FGGY: variants seen among roughly 807,000 people sequenced by gnomAD.
The protein encoded by FGGY is FGGY carbohydrate kinase domain-containing protein.
A neutral mutation model predicts 71.3 loss-of-function variants in FGGY; 72 were observed. The ratio of observed to expected loss-of-function variants is 1.01; its 90% CI spans 0.84 to 1.23. The LOEUF is 1.23. FGGY is among the 50% of genes most tolerant of loss of function. FGGY has a pLI of 0.00. For missense variants in FGGY, 668 were observed against 682.3 expected (o/e 0.98, Z 0.23); for synonymous variants, 251 against 250.3 (o/e 1.00, Z -0.02).
At chr1:59,735,814 T>C (rs1230203474) in intron 14 of FGGY, among the ~76,000 whole-genome samples, 1 of 152,218 alleles carries the variant, frequency 6.6e-6, no homozygotes, top group Non-Finnish European at 1.5e-5. Context: ...TCATCTCTTT[T>C]ATTTATGCAT....
Position 59,709,470 on chromosome 1 carries a change from A to T in FGGY, c.1512+35337A>T, listed in dbSNP as rs1050285782. Among the ~76,000 whole-genome samples, 204 of 150,688 alleles carry T rather than the reference A, an allele frequency of 1.4e-3. 1 individual carries two copies. Among genetic ancestry groups the T allele is most frequent in the African/African-American group, 4.6e-3 (187 of 40,966 alleles). On this transcript the variant is annotated intron_variant, in intron 14 of 15. Coordinates refer to ENST00000303721, the MANE Select transcript of FGGY (RefSeq NM_018291.5). ...GAGACACAGAATGAAACTATATCAC[A>T]CACACACACACACACACACACACAC...
chr1:59,586,571 T>C (rs2096291953), intron 8 of FGGY, among the ~76,000 whole-genome samples: 2 of 152,134 alleles, frequency 1.3e-5, no homozygotes, highest in Non-Finnish European at 1.5e-5. Context: ...GACGAGTTAA[T>C]GGATGCAGCA....
At chr1:59,578,795 G>A (rs1558415089) in intron 8 of FGGY, among the ~76,000 whole-genome samples, 2 of 152,004 alleles carry the variant, frequency 1.3e-5, no homozygotes, top group Non-Finnish European at 2.9e-5. Flanking sequence ...CACACACAAG[G>A]CTGGGGTTGT....
intron 14 of FGGY, among the ~76,000 whole-genome samples, chr1:59,712,633 G>A (rs2097803375): frequency 6.6e-6 from 1 of 152,184 alleles, no homozygotes; most frequent in African/African-American, 2.4e-5. Flanking sequence ...GGCAGGTTCA[G>A]CACTACATGG....
intron 14 of FGGY, among the ~76,000 whole-genome samples, chr1:59,686,451 C>T (rs1361694781): frequency 1.3e-5 from 2 of 152,324 alleles, no homozygotes; most frequent in South Asian, 2.1e-4. Context: ...CAAAAATACC[C>T]TGTTGCCTTT....
At chr1:59,761,209 A>G (rs2098337938) in intron 15 of FGGY, among the ~76,000 whole-genome samples, 1 of 152,190 alleles carries the variant, frequency 6.6e-6, no homozygotes, top group Non-Finnish European at 1.5e-5. Flanking sequence ...CACACAGCTA[A>G]TGTTAGGCCA....
At chr1:59,570,500 T>C (rs1051247692) in intron 8 of FGGY, among the ~76,000 whole-genome samples, 3 of 152,166 alleles carry the variant, frequency 2.0e-5, no homozygotes, top group African/African-American at 7.2e-5. Flanking sequence ...GGGTAAGACA[T>C]ACTGAGAAGT....
chr1:59,677,131 C>A (rs1028636094), intron 14 of FGGY, among the ~76,000 whole-genome samples: 1 of 152,198 alleles, frequency 6.6e-6, no homozygotes, highest in Non-Finnish European at 1.5e-5. Flanking sequence ...TTGCTCCCCT[C>A]CAAAGAAGAG....
chr1:59,742,801 G>A (rs1458263064), intron 14 of FGGY, among the ~76,000 whole-genome samples: 1 of 152,182 alleles, frequency 6.6e-6, no homozygotes, highest in Non-Finnish European at 1.5e-5. Flanking sequence ...GTCTCTCATG[G>A]TGTCTTTCTA....
rs373441197 is a variant in FGGY at position 59,559,644 on chromosome 1, G to T, written c.903+5417G>T. On this transcript the variant is annotated intron_variant, in intron 8 of 15. Transcript: ENST00000303721. The stretch of plus-strand genomic sequence containing the variant: ...ACCAGGACTCCTTGGAGAAATAGTT[G>T]ATTTTAGGATTGGAATAGGAAATAT... Among the ~76,000 whole-genome samples, 8 of 152,252 alleles carry T rather than the reference G, an allele frequency of 5.3e-5. No homozygotes were observed. In the South Asian group the frequency reaches 1.0e-3, roughly 20 times the overall value.
intron 8 of FGGY, among the ~76,000 whole-genome samples, chr1:59,571,802 T>G (rs2095990441): frequency 6.6e-6 from 1 of 152,152 alleles, no homozygotes; most frequent in Admixed American, 6.5e-5. Flanking sequence ...ACAACATAGA[T>G]GGATCAAACA....
At chr1:59,554,804 T>C (rs1474760658) in intron 8 of FGGY, among the ~76,000 whole-genome samples, 1 of 152,228 alleles carries the variant, frequency 6.6e-6, no homozygotes, top group African/African-American at 2.4e-5. Context: ...TATATCTTCT[T>C]TAAATGCATG....
At chr1:59,514,140 T>A (rs1487105747) in intron 7 of FGGY, among the ~76,000 whole-genome samples, 1 of 152,200 alleles carries the variant, frequency 6.6e-6, no homozygotes, top group East Asian at 1.9e-4. Context: ...TAGGCAGACA[T>A]GGAGTGTTTC....
intron 10 of FGGY, among the ~76,000 whole-genome samples, chr1:59,634,576 C>T (rs890987501): frequency 2.0e-5 from 3 of 151,790 alleles, no homozygotes; most frequent in African/African-American, 7.3e-5. Flanking sequence ...GCCTGTGAAC[C>T]CATAGAATTA....
chr1:59,652,122 G>A (rs545227628), intron 11 of FGGY, among the ~76,000 whole-genome samples: 1 of 152,176 alleles, frequency 6.6e-6, no homozygotes, highest in African/African-American at 2.4e-5. Context: ...CGAGAGATCA[G>A]CCGTTAGTCT....
intron 8 of FGGY, among the ~76,000 whole-genome samples, chr1:59,592,220 C>T (rs1485003498): frequency 1.3e-5 from 2 of 152,138 alleles, no homozygotes; most frequent in African/African-American, 4.8e-5. Flanking sequence ...AAATGCAAAT[C>T]AAAACCACAA....
At chr1:59,743,206 G>T (rs2098165089) in intron 14 of FGGY, among the ~76,000 whole-genome samples, 2 of 152,096 alleles carry the variant, frequency 1.3e-5, no homozygotes, top group African/African-American at 4.8e-5. Context: ...CTTCAGATAT[G>T]CATTTCCTTC....
intron 8 of FGGY, among the ~76,000 whole-genome samples, chr1:59,563,564 T>A (rs1394016877): frequency 6.6e-6 from 1 of 152,154 alleles, no homozygotes; most frequent in African/African-American, 2.4e-5. Flanking sequence ...TGGAAAAACA[T>A]TCCATGCTCA....
intron 7 of FGGY, among the ~76,000 whole-genome samples, chr1:59,520,897 G>T (rs2094808021): frequency 6.6e-6 from 1 of 152,136 alleles, no homozygotes; most frequent in Admixed American, 6.5e-5. Flanking sequence ...TGCCAAGTAG[G>T]CAGATCAGAC....
Sources: gnomAD v4.1 joint callset for allele counts (sites outside exome capture counted in the v4.1 genomes callset) on GRCh38, gnomAD v4.1.1 for gene constraint, MANE v1.5 for transcripts, NCBI Gene and HGNC (gene_info 2026-07-23, HGNC 2026-07-21) for gene names.